Variants in C2CD5 observed in about 807,000 individuals in gnomAD.
The protein encoded by C2CD5 is C2 calcium dependent domain containing 5.
C2CD5 carries 109 observed loss-of-function variants against 130.3 expected under a neutral mutation model. The observed-to-expected ratio is 0.84, with a 90% CI of 0.72 to 0.98. C2CD5 has a LOEUF of 0.98. Ranked by LOEUF, C2CD5 falls within the 50% of genes least tolerant of loss-of-function variation. C2CD5 has a pLI of 0.00. For synonymous variants in C2CD5, 454 were observed against 429.2 expected, an observed-to-expected ratio of 1.06 and a Z score of -0.71; for missense variants, 996 against 1,261.8, an observed-to-expected ratio of 0.79 and a Z score of 3.19.
intron 14 of C2CD5, 96 bp from the exon 15 acceptor site, chr12:22,478,573 C>CACCCAGCTGTTG: frequency 2.0e-6 from 2 of 1,019,756 alleles, no homozygotes; most frequent in Non-Finnish European, 2.9e-6. Context: ...CAGCTGGGTG[C>CACCCAGCTGTTG]AGTGGCTCAC....
chr12:22,470,821 T>C lies in C2CD5; in HGVS notation c.2446+3A>G. 6.3e-7 allele frequency: 1 copy of C among 1,589,520 alleles called. No individual in the cohort carries two copies. The highest frequency in any genetic ancestry group is 1.7e-4 in the Middle Eastern group (1 of 6,000). On this transcript the variant is annotated splice_donor_region_variant and intron_variant, in intron 21 of 26. Coordinates refer to ENST00000446597, the MANE Select transcript of C2CD5 (RefSeq NM_001286176.2). The stretch of plus-strand genomic sequence containing the variant: ...CTGAACTTCCTATTCAGTAAAGATT[T>C]ACCTCTTTGCAATGACTTTTCAACA...
chr12:22,457,201 G>A (rs777593348), intron 24 of C2CD5, 40 bp from the exon 25 acceptor site: 17 of 1,392,332 alleles, frequency 1.2e-5, no homozygotes, highest in South Asian at 7.6e-5. Context: ...CAGAACAGAC[G>A]CTGGTAACAC....
intron 12 of C2CD5, among the ~76,000 whole-genome samples, chr12:22,485,386 G>A (rs12817224): frequency 0.028 from 4,286 of 151,540 alleles, 74 homozygotes; most frequent in Non-Finnish European, 0.044. Context: ...AAGACCTAGC[G>A]TTTGATAGCA....
chr12:22,512,250 G>A (rs750642968), intron 9 of C2CD5, among the ~76,000 whole-genome samples: 32 of 152,092 alleles, frequency 2.1e-4, no homozygotes, highest in African/African-American at 6.5e-4. Context: ...AAAATAAATC[G>A]TACCAACCTC....
chr12:22,484,056 G>A (rs1236425899), intron 13 of C2CD5, among the ~76,000 whole-genome samples: 2 of 152,068 alleles, frequency 1.3e-5, no homozygotes, highest in African/African-American at 4.8e-5. Flanking sequence ...TGGCTCTCAA[G>A]GATCAAGAAA....
At chr12:22,470,205 C>T (rs182360021) in intron 21 of C2CD5, among the ~76,000 whole-genome samples, 4 of 152,164 alleles carry the variant, frequency 2.6e-5, no homozygotes, top group African/African-American at 9.6e-5. Flanking sequence ...CTGCTCAAAT[C>T]TTATCAATGC....
intron 2 of C2CD5, among the ~76,000 whole-genome samples, chr12:22,542,974 T>C (rs1186180582): frequency 6.6e-6 from 1 of 152,256 alleles, no homozygotes; most frequent in Non-Finnish European, 1.5e-5. Flanking sequence ...TTTAGTTATT[T>C]GTGGATTCCT....
chr12:22,534,179 CTCTG>C (rs1401820529), intron 3 of C2CD5, among the ~76,000 whole-genome samples: 1 of 152,124 alleles, frequency 6.6e-6, no homozygotes, highest in African/African-American at 2.4e-5. Context: ...CAAAGCAAGA[CTCTG>C]TCTATTAAAA....
chr12:22,485,708 A>G (rs1945394899), intron 12 of C2CD5, among the ~76,000 whole-genome samples: 1 of 152,136 alleles, frequency 6.6e-6, no homozygotes, highest in Admixed American at 6.6e-5. Context: ...ATGTGTTATA[A>G]GAGGGTACAA....
rs1195167966 is a variant in C2CD5, at chr12:22,527,782, T to C, written c.288A>G (p.Leu96=). 2.5e-6 allele frequency: 4 copies of C among 1,609,758 alleles called. No individual in the cohort carries two copies. The highest frequency in any genetic ancestry group is 1.3e-5 in the African/African-American group (1 of 74,928). ...IGKVYIDIDP[L]LYSEAATVIS... ...TGACTGTTGCAGCTTCACTATACAG[T>C]AAAGGATCAATATCAATGTACACTT... The change falls in exon 4 of 27, where the codon TTA becomes TTG. Residue 96 remains leucine (L), a synonymous_variant. Coordinates refer to ENST00000446597, the MANE Select transcript of C2CD5 (RefSeq NM_001286176.2).
At chr12:22,537,262 G>A (rs922416586) in intron 2 of C2CD5, among the ~76,000 whole-genome samples, 4 of 152,100 alleles carry the variant, frequency 2.6e-5, no homozygotes, top group Non-Finnish European at 5.9e-5. Flanking sequence ...AAAAGGAAAA[G>A]TCATCAGCCA....
At chr12:22,517,286 T>G (rs902422256) in intron 8 of C2CD5, among the ~76,000 whole-genome samples, 59 of 144,492 alleles carry the variant, frequency 4.1e-4, no homozygotes, top group African/African-American at 1.7e-3. Context: ...TTATTTTAAA[T>G]TTTTCTAAAC....
intron 13 of C2CD5, among the ~76,000 whole-genome samples, chr12:22,483,776 T>C (rs1945065044): frequency 1.3e-5 from 2 of 152,178 alleles, no homozygotes; most frequent in African/African-American, 4.8e-5. Flanking sequence ...AATACCAAAT[T>C]TGGCATGAAG....
At chr12:22,519,701 T>C (rs1591962539) in intron 7 of C2CD5, among the ~76,000 whole-genome samples, 1 of 152,124 alleles carries the variant, frequency 6.6e-6, no homozygotes, top group East Asian at 1.9e-4. Flanking sequence ...TTATATTTTC[T>C]ATAAAGAAAG....
At chr12:22,478,029 T>TCA (rs376381318) in intron 15 of C2CD5, 286 of 304,998 alleles carry the variant, frequency 9.4e-4, no homozygotes, top group Middle Eastern at 2.2e-3. Context: ...ACACACACAC[T>TCA]CACACACACA....
chr12:22,462,003 A>G (rs534126738), intron 22 of C2CD5, among the ~76,000 whole-genome samples: 1 of 152,298 alleles, frequency 6.6e-6, no homozygotes, highest in African/African-American at 2.4e-5. Context: ...TGATGACCTC[A>G]GACTCCCAGG....
chr12:22,474,874 A>G lies in C2CD5; in HGVS notation c.1920T>C (p.Ile640=). 6.3e-7 allele frequency: 1 copy of G among 1,593,548 alleles called. No homozygotes were observed. Among genetic ancestry groups the G allele is most frequent in the Non-Finnish European group, 8.6e-7 (1 of 1,168,012 alleles). ...TAGGTTCTGGGATGGGTGATCCTAT[A>G]ATCTCTTCAGATATCTCCTAAAAGA... ...EINPPEISEE[I]IGSPIPEPRQ... is the part of the protein sequence containing the mutation. The change falls in exon 16 of 27, where the codon ATT becomes ATC. Residue 640 remains isoleucine, a synonymous_variant. Coordinates refer to ENST00000446597, the MANE Select transcript of C2CD5 (RefSeq NM_001286176.2).
At chr12:22,543,779 G>A (rs1186623253) in intron 2 of C2CD5, among the ~76,000 whole-genome samples, 1 of 152,116 alleles carries the variant, frequency 6.6e-6, no homozygotes, top group Non-Finnish European at 1.5e-5. Context: ...TCTCCTGAGT[G>A]GCAGGTGGCC....
At chr12:22,475,460 T>C (rs911582505) in intron 15 of C2CD5, among the ~76,000 whole-genome samples, 2 of 152,276 alleles carry the variant, frequency 1.3e-5, no homozygotes, top group Admixed American at 6.5e-5. Context: ...TTAAGGTCAG[T>C]GTATGGTGCA....
Sources: allele counts gnomAD v4.1 joint callset (sites outside exome capture counted in the v4.1 genomes callset), GRCh38; gene constraint gnomAD v4.1.1; transcripts MANE v1.5; gene names NCBI Gene and HGNC (gene_info 2026-07-23, HGNC 2026-07-21).